The following TCF7L1 variants were observed in gnomAD, a reference collection of about 807,000 sequenced individuals.
TCF7L1 encodes transcription factor 7 like 1.
Under a neutral mutation model 63.7 loss-of-function variants are expected in TCF7L1, and 18 were observed. The observed-to-expected ratio is 0.28, with a 90% CI of 0.20 to 0.42. The LOEUF is 0.42. TCF7L1 is among the 10% of genes least tolerant of loss of function. TCF7L1 has a pLI of 1.00. For missense variants in TCF7L1, 654 were observed against 779.3 expected (o/e 0.84, Z 1.91); for synonymous variants, 355 against 340.9 (o/e 1.04, Z -0.46).
intron 4 of TCF7L1, among the ~76,000 whole-genome samples, chr2:85,286,960 C>T (rs1214446043): frequency 7.9e-5 from 12 of 152,316 alleles, no homozygotes; most frequent in Admixed American, 2.0e-4. Context: ...AAAACTAACA[C>T]GTGTACTCTG....
At chr2:85,266,950 C>G (rs1328004470) in intron 3 of TCF7L1, among the ~76,000 whole-genome samples, 5 of 152,212 alleles carry the variant, frequency 3.3e-5, no homozygotes, top group African/African-American at 9.6e-5. Context: ...GACAGCTCAC[C>G]CCATGGGCCT....
At chr2:85,204,350 C>T (rs1233128959) in intron 3 of TCF7L1, among the ~76,000 whole-genome samples, 3 of 128,714 alleles carry the variant, frequency 2.3e-5, no homozygotes, top group South Asian at 2.7e-4. Context: ...AGTACATACG[C>T]GCTTACCTCA....
intron 3 of TCF7L1, among the ~76,000 whole-genome samples, chr2:85,192,179 A>G (rs1167235104): frequency 6.6e-6 from 1 of 152,146 alleles, no homozygotes; most frequent in Non-Finnish European, 1.5e-5. Flanking sequence ...TTTCACCCTA[A>G]TGAAGATATG....
chr2:85,145,645 G>A (rs1677864300), intron 3 of TCF7L1, among the ~76,000 whole-genome samples: 1 of 152,196 alleles, frequency 6.6e-6, no homozygotes, highest in African/African-American at 2.4e-5. Context: ...TGAGCTAGGT[G>A]GAACCATCCC....
At chr2:85,147,751 C>T (rs1465486825) in intron 3 of TCF7L1, among the ~76,000 whole-genome samples, 1 of 152,110 alleles carries the variant, frequency 6.6e-6, no homozygotes, top group African/African-American at 2.4e-5. Context: ...TAATGGTGGG[C>T]ATCTGTTTGG....
intron 3 of TCF7L1, among the ~76,000 whole-genome samples, chr2:85,137,754 G>A (rs879364314): frequency 1.3e-4 from 20 of 152,062 alleles, no homozygotes; most frequent in Admixed American, 2.6e-4. Flanking sequence ...TTAGCCAGGC[G>A]TGCTGGCGAG....
chr2:85,218,901 C>G (rs1679776215), intron 3 of TCF7L1, among the ~76,000 whole-genome samples: 1 of 152,152 alleles, frequency 6.6e-6, no homozygotes, highest in Non-Finnish European at 1.5e-5. Context: ...CACTGGGTCA[C>G]ACCTGTAATC....
intron 3 of TCF7L1, among the ~76,000 whole-genome samples, chr2:85,251,068 T>G (rs956653922): frequency 6.6e-6 from 1 of 152,206 alleles, no homozygotes; most frequent in East Asian, 1.9e-4. Context: ...GGGAGAGAGA[T>G]AAACCAGCCT....
intron 3 of TCF7L1, among the ~76,000 whole-genome samples, chr2:85,184,205 A>G (rs879164791): frequency 6.6e-6 from 1 of 152,108 alleles, no homozygotes; most frequent in East Asian, 1.9e-4. Flanking sequence ...CTGGAAGGGC[A>G]TTTTCCATGG....
intron 11 of TCF7L1, among the ~76,000 whole-genome samples, chr2:85,308,332 A>C: frequency 9.6e-6 from 1 of 104,488 alleles, no homozygotes. Flanking sequence ...AGTGCTTTCA[A>C]TCTCTCTTCT....
At chr2:85,184,232 A>G (rs1678864087) in intron 3 of TCF7L1, among the ~76,000 whole-genome samples, 1 of 152,144 alleles carries the variant, frequency 6.6e-6, no homozygotes, top group Admixed American at 6.5e-5. Context: ...CCTTTAGCCA[A>G]GCTCTAAAGG....
chr2:85,244,840 A>G (rs1680423112), intron 3 of TCF7L1, among the ~76,000 whole-genome samples: 1 of 152,134 alleles, frequency 6.6e-6, no homozygotes, highest in African/African-American at 2.4e-5. Context: ...CGTGGGCACT[A>G]CAGCTTTTGC....
intron 3 of TCF7L1, among the ~76,000 whole-genome samples, chr2:85,276,452 T>C (rs1212643327): frequency 6.6e-6 from 1 of 152,194 alleles, no homozygotes; most frequent in Non-Finnish European, 1.5e-5. Flanking sequence ...TTCAAAATGC[T>C]CTCCTTGTCC....
chr2:85,303,908 C>G lies in TCF7L1; in HGVS notation c.672C>G (p.Pro224=). 6.2e-7 allele frequency: 1 copy of G among 1,612,556 alleles called. No individual in the cohort carries two copies. The highest frequency in any genetic ancestry group is 8.5e-7 in the Non-Finnish European group (1 of 1,178,916). The part of the protein sequence containing the change: ...EIDPKTGIPR[P]PHPSELSPYY... Reference sequence around the variant, plus strand: ...CTTTGGAAGCAGGAATCCCCCGGCCCCCTCACCCATCCGAGCTGTCACCGT... The same window carrying G: ...CTTTGGAAGCAGGAATCCCCCGGCCGCCTCACCCATCCGAGCTGTCACCGT... The change falls in exon 6 of 12, where the codon CCC becomes CCG. Residue 224 remains proline (P), a synonymous_variant. Coordinates refer to ENST00000282111, the MANE Select transcript of TCF7L1 (RefSeq NM_031283.3).
At chr2:85,286,804 A>G (rs552645880) in intron 4 of TCF7L1, among the ~76,000 whole-genome samples, 1 of 152,114 alleles carries the variant, frequency 6.6e-6, no homozygotes, top group East Asian at 1.9e-4. Flanking sequence ...CAAAATTTTT[A>G]AAATTAGCCA....
chr2:85,186,306 G>A (rs1343985307), intron 3 of TCF7L1: 1 of 152,114 alleles, frequency 6.6e-6, no homozygotes, highest in Non-Finnish European at 1.5e-5. Flanking sequence ...AAGTAACATG[G>A]AAAAGCTAAA....
At chr2:85,210,541 A>C (rs1679517213) in intron 3 of TCF7L1, among the ~76,000 whole-genome samples, 1 of 152,216 alleles carries the variant, frequency 6.6e-6, no homozygotes, top group African/African-American at 2.4e-5. Context: ...AAGTGAAAAC[A>C]CCATAGCCAA....
At chr2:85,194,413 CA>C (rs1679105790) in intron 3 of TCF7L1, among the ~76,000 whole-genome samples, 1 of 152,256 alleles carries the variant, frequency 6.6e-6, no homozygotes, top group African/African-American at 2.4e-5. Flanking sequence ...CCTGTAATCC[CA>C]GCTACTTGGG....
At chr2:85,232,775 G>T (rs1489968981) in intron 3 of TCF7L1, among the ~76,000 whole-genome samples, 2 of 152,042 alleles carry the variant, frequency 1.3e-5, no homozygotes, top group Admixed American at 6.6e-5. Flanking sequence ...ACTTATCCAC[G>T]CAGTGCTTCA....
Sources: allele counts gnomAD v4.1 joint callset (sites outside exome capture counted in the v4.1 genomes callset), GRCh38; gene constraint gnomAD v4.1.1; transcripts MANE v1.5; gene names NCBI Gene and HGNC (gene_info 2026-07-23, HGNC 2026-07-21).